Variants in CMSS1 observed in about 807,000 individuals in gnomAD.
CMSS1 encodes cms1 ribosomal small subunit homolog.
Under a neutral mutation model 43.5 loss-of-function variants are expected in CMSS1, and 33 were observed. That is an observed-to-expected ratio of 0.76 (90% CI 0.57 to 1.01). CMSS1 has a LOEUF of 1.01. Among genes scored for constraint, CMSS1 ranks in the 50% least tolerant of loss-of-function variants. CMSS1 has a pLI of 0.00. For missense variants in CMSS1, 313 were observed against 326.4 expected, an observed-to-expected ratio of 0.96 and a Z score of 0.32; for synonymous variants, 115 against 117.2, an observed-to-expected ratio of 0.98 and a Z score of 0.12.
intron 1 of CMSS1, among the ~76,000 whole-genome samples, chr3:99,961,412 C>T (rs1708486528): frequency 6.6e-6 from 1 of 152,046 alleles, no homozygotes; most frequent in Admixed American, 6.5e-5. Context: ...TCTACAATGA[C>T]TCTTATGCTA....
chr3:100,167,735 C>A lies in CMSS1; in HGVS notation c.416-3C>A. On this transcript the variant is annotated splice_polypyrimidine_tract_variant and splice_region_variant and intron_variant, in intron 5 of 9. Transcript: ENST00000421999. ...AATAATTGTTTTCTGTTCTTTTTTCCAGTTTGTCCTAAGTGGGTAAAACTT... is the reference window on the plus strand; with the variant it reads ...AATAATTGTTTTCTGTTCTTTTTTCAAGTTTGTCCTAAGTGGGTAAAACTT... 2 of 1,591,754 alleles carry A rather than the reference C, an allele frequency of 1.3e-6. No homozygotes were observed. Among genetic ancestry groups the A allele is most frequent in the African/African-American group, 1.3e-5 (1 of 74,236 alleles).
intron 1 of CMSS1, among the ~76,000 whole-genome samples, chr3:100,128,761 G>A (rs2066682443): frequency 1.3e-5 from 2 of 152,294 alleles, no homozygotes; most frequent in Admixed American, 6.5e-5. Context: ...CATACAGGAT[G>A]TACTTCATCA....
intron 1 of CMSS1, among the ~76,000 whole-genome samples, chr3:100,115,575 G>GTCTCTCTCTCTCTCTCTCTCTCTCTC (rs66793218): frequency 1.0e-5 from 1 of 97,954 alleles, no homozygotes; most frequent in South Asian, 3.6e-4. Flanking sequence ...CTCTCTCTCT[G>GTCTCTCTCTCTCTCTCTCTCTCTCTC]TCTCTCTCTC....
At chr3:100,125,669 C>T (rs1208977354) in intron 1 of CMSS1, among the ~76,000 whole-genome samples, 1 of 152,194 alleles carries the variant, frequency 6.6e-6, no homozygotes, top group Non-Finnish European at 1.5e-5. Flanking sequence ...TTTTCTATTT[C>T]TGGATTTGTC....
intron 1 of CMSS1, among the ~76,000 whole-genome samples, chr3:100,139,071 C>T (rs2066780313): frequency 6.6e-6 from 1 of 152,104 alleles, no homozygotes; most frequent in Non-Finnish European, 1.5e-5. Context: ...AGCCATCATC[C>T]TCAGCAAACT....
chr3:100,021,954 T>TGAGA (rs1177315745), intron 1 of CMSS1, among the ~76,000 whole-genome samples: 3 of 114,348 alleles, frequency 2.6e-5, no homozygotes, highest in African/African-American at 9.8e-5. Flanking sequence ...TGTGTGTGTG[T>TGAGA]GTGTGTGAGA....
intron 4 of CMSS1, among the ~76,000 whole-genome samples, chr3:100,163,580 A>G (rs1367443878): frequency 6.6e-6 from 1 of 152,162 alleles, no homozygotes; most frequent in African/African-American, 2.4e-5. Flanking sequence ...TGTGTCGCCC[A>G]GGCTGGAGTG....
At chr3:99,901,503 T>C (rs1415645804) in intron 1 of CMSS1, among the ~76,000 whole-genome samples, 1 of 152,224 alleles carries the variant, frequency 6.6e-6, no homozygotes, top group Non-Finnish European at 1.5e-5. Flanking sequence ...ATTGAGTGTT[T>C]CAAATTATGT....
chr3:100,168,596 C>G (rs1197762813), intron 6 of CMSS1, among the ~76,000 whole-genome samples: 3 of 152,068 alleles, frequency 2.0e-5, no homozygotes, highest in African/African-American at 7.2e-5. Flanking sequence ...ACAACATCAT[C>G]TAAGGGATGC....
intron 1 of CMSS1, among the ~76,000 whole-genome samples, chr3:100,042,072 G>A (rs1373647561): frequency 6.6e-6 from 1 of 151,902 alleles, no homozygotes; most frequent in Non-Finnish European, 1.5e-5. Context: ...GCTCTGGATC[G>A]TAATCCATCC....
intron 1 of CMSS1, among the ~76,000 whole-genome samples, chr3:99,912,505 G>A (rs1326528221): frequency 6.6e-6 from 1 of 152,142 alleles, no homozygotes; most frequent in African/African-American, 2.4e-5. Flanking sequence ...AGCCGCCCAG[G>A]TAGCTGGGAC....
intron 1 of CMSS1, among the ~76,000 whole-genome samples, chr3:100,068,716 C>G (rs1187581673): frequency 6.6e-6 from 1 of 152,176 alleles, no homozygotes; most frequent in East Asian, 1.9e-4. Context: ...CAACCTCTAT[C>G]TCCCAGGTTC....
chr3:99,916,437 T>TACACACACACACAC (rs10529210), intron 1 of CMSS1, among the ~76,000 whole-genome samples: 251 of 137,166 alleles, frequency 1.8e-3, no homozygotes, highest in African/African-American at 6.4e-3. Flanking sequence ...TAACGGTTTA[T>TACACACACACACAC]ACACACACAC....
At chr3:99,911,186 T>C (rs974554560) in intron 1 of CMSS1, among the ~76,000 whole-genome samples, 7 of 152,152 alleles carry the variant, frequency 4.6e-5, no homozygotes, top group African/African-American at 1.7e-4. Flanking sequence ...TGGAAATGTA[T>C]TTCTTCAATC....
chr3:100,105,353 C>A (rs1444353610), intron 1 of CMSS1, among the ~76,000 whole-genome samples: 1 of 152,134 alleles, frequency 6.6e-6, no homozygotes, highest in African/African-American at 2.4e-5. Context: ...CTAGTAATAT[C>A]TTTTTAGACA....
intron 1 of CMSS1, among the ~76,000 whole-genome samples, chr3:99,960,137 G>C (rs1239743101): frequency 1.3e-5 from 2 of 152,134 alleles, no homozygotes; most frequent in Non-Finnish European, 2.9e-5. Flanking sequence ...ATTAGTGGTA[G>C]CTCACAACCT....
intron 1 of CMSS1, among the ~76,000 whole-genome samples, chr3:100,106,773 G>T (rs149851512): frequency 6.6e-6 from 1 of 152,116 alleles, no homozygotes; most frequent in South Asian, 2.1e-4. Context: ...CTAACTGGTG[G>T]TTGTACTACT....
At chr3:100,068,107 G>A (rs1300868712) in intron 1 of CMSS1, among the ~76,000 whole-genome samples, 1 of 152,180 alleles carries the variant, frequency 6.6e-6, no homozygotes, top group Non-Finnish European at 1.5e-5. Flanking sequence ...ATTACATGGA[G>A]CATATGTAAA....
rs144349157 is a variant in CMSS1, at chr3:99,875,858, C to A, written c.64+57815C>A. ...CACCTCTCAACATTTAAAATTAAATCTCTAATCTGTTTTCTCCTCCAGAGA... is the reference window on the plus strand; with the variant it reads ...CACCTCTCAACATTTAAAATTAAATATCTAATCTGTTTTCTCCTCCAGAGA... On this transcript the variant is annotated intron_variant, in intron 1 of 9. Transcript: ENST00000421999. Among the ~76,000 whole-genome samples, 65 of 152,360 alleles carry A rather than the reference C, an allele frequency of 4.3e-4. No individual in the cohort carries two copies. In the East Asian group the frequency reaches 0.012, roughly 28 times the overall value.
Sources: gnomAD v4.1 joint callset for allele counts (sites outside exome capture counted in the v4.1 genomes callset) on GRCh38, gnomAD v4.1.1 for gene constraint, MANE v1.5 for transcripts, NCBI Gene and HGNC (gene_info 2026-07-23, HGNC 2026-07-21) for gene names.